The following HMCN1 variants were observed in gnomAD, a reference collection of about 807,000 sequenced individuals.
HMCN1 encodes the protein hemicentin-1.
Under a neutral mutation model 625.9 loss-of-function variants are expected in HMCN1, and 321 were observed. That is an observed-to-expected ratio of 0.51 (90% confidence interval 0.47 to 0.56). The LOEUF is 0.56. HMCN1 is among the 20% of genes least tolerant of loss of function. The pLI is 0.00. For synonymous variants in HMCN1, 2,425 were observed against 2,417.6 expected, an observed-to-expected ratio of 1.00 and a Z score of -0.09; for missense variants, 6,588 against 6,887.3, an observed-to-expected ratio of 0.96 and a Z score of 1.54.
In HMCN1 at chr1:186,093,502, G is replaced by C. The variant is rs772219414; in HGVS notation, c.10029G>C (p.Arg3343Ser). Residue 3343 changes from arginine (R) to serine (S), a missense_variant, in exon 66 of 107, where the codon AGG becomes AGC. This residue lies in a region of HMCN1 where 4,628 missense variants were observed against 4,853.1 expected (regional missense o/e 0.95). Transcript: ENST00000271588. Reference sequence around the variant, plus strand: ...ACAACATAGTTACACCTACAATTAGGGGTAATAAAGATGAAGCAGAGAAAC... The same window carrying C: ...ACAACATAGTTACACCTACAATTAGCGGTAATAAAGATGAAGCAGAGAAAC... ...NLNVYVTPTI[R>S]GNKDEAEKLM... The C allele has an allele frequency of 1.2e-6, 2 of 1,613,206 alleles. No homozygotes were observed. The highest frequency in any genetic ancestry group is 3.3e-5 in the Admixed American group (2 of 59,890).
intron 4 of HMCN1, among the ~76,000 whole-genome samples, chr1:185,884,439 C>A (rs555259284): frequency 6.6e-6 from 1 of 152,094 alleles, no homozygotes; most frequent in South Asian, 2.1e-4. Context: ...ACTGCTTCAG[C>A]TTCCCCTAAC....
chr1:186,006,326 T>TTGCAC (rs1156525809), intron 29 of HMCN1, among the ~76,000 whole-genome samples: 2 of 152,134 alleles, frequency 1.3e-5, no homozygotes, highest in Non-Finnish European at 2.9e-5. Flanking sequence ...TAATTATTCA[T>TTGCAC]TATGTGGCTA....
chr1:186,091,401 A>AT (rs1446251929), intron 64 of HMCN1, among the ~76,000 whole-genome samples: 1 of 152,042 alleles, frequency 6.6e-6, no homozygotes, highest in Non-Finnish European at 1.5e-5. Flanking sequence ...CAATAATGTC[A>AT]TAACTGTTAT....
intron 30 of HMCN1, among the ~76,000 whole-genome samples, chr1:186,013,860 T>A (rs912321001): frequency 2.0e-5 from 3 of 152,102 alleles, no homozygotes; most frequent in African/African-American, 7.2e-5. Context: ...AATAAGTGAT[T>A]GACTCAATAA....
At chr1:185,768,970 A>T (rs1472556823) in intron 1 of HMCN1, among the ~76,000 whole-genome samples, 1 of 152,212 alleles carries the variant, frequency 6.6e-6, no homozygotes. Context: ...ATAGCAGGTT[A>T]AAATCCTAAA....
intron 6 of HMCN1, among the ~76,000 whole-genome samples, chr1:185,916,562 T>A (rs1353863921): frequency 6.6e-6 from 1 of 152,168 alleles, no homozygotes; most frequent in Non-Finnish European, 1.5e-5. Context: ...ATACATTGTA[T>A]CTTTACTTTC....
intron 11 of HMCN1, among the ~76,000 whole-genome samples, chr1:185,950,696 T>C (rs1172473346): frequency 6.6e-6 from 1 of 151,758 alleles, no homozygotes; most frequent in Non-Finnish European, 1.5e-5. Context: ...TTTGCTGAGC[T>C]TGATGGGTGT....
intron 38 of HMCN1, among the ~76,000 whole-genome samples, chr1:186,039,244 C>T (rs1656042137): frequency 1.3e-5 from 2 of 152,276 alleles, no homozygotes; most frequent in South Asian, 4.1e-4. Context: ...GTCATTGATA[C>T]TGTTAGCTAA....
chr1:185,892,524 C>T (rs988152489), intron 4 of HMCN1, among the ~76,000 whole-genome samples: 1 of 151,892 alleles, frequency 6.6e-6, no homozygotes, highest in Admixed American at 6.5e-5. Flanking sequence ...AGTTTTCCTT[C>T]TAACAGACAG....
chr1:185,835,267 T>G (rs1668677216), intron 1 of HMCN1, among the ~76,000 whole-genome samples: 1 of 152,188 alleles, frequency 6.6e-6, no homozygotes, highest in African/African-American at 2.4e-5. Context: ...TGCTATCAGT[T>G]GGTATGGGTG....
intron 1 of HMCN1, among the ~76,000 whole-genome samples, chr1:185,777,419 A>G (rs1656691143): frequency 6.6e-6 from 1 of 151,962 alleles, no homozygotes; most frequent in African/African-American, 2.4e-5. Context: ...GGATCTCAGT[A>G]TGCACAACTG....
chr1:185,842,584 G>T (rs900787569), intron 1 of HMCN1, among the ~76,000 whole-genome samples: 1 of 151,630 alleles, frequency 6.6e-6, no homozygotes. Flanking sequence ...AAAAAAATTG[G>T]CTGGGCATGG....
At chr1:186,024,231 A>T (rs547936435) in intron 36 of HMCN1, among the ~76,000 whole-genome samples, 3 of 152,296 alleles carry the variant, frequency 2.0e-5, no homozygotes, top group African/African-American at 7.2e-5. Context: ...CAATTGGCTG[A>T]CAATGCTAGT....
chr1:186,171,979 C>T, intron 101 of HMCN1, 27 bp from the exon 102 acceptor site: 1 of 1,607,666 alleles, frequency 6.2e-7, no homozygotes, highest in Non-Finnish European at 8.5e-7. Flanking sequence ...TTTTCTTAAT[C>T]TACATTACCT....
intron 77 of HMCN1, among the ~76,000 whole-genome samples, 167 bp downstream of exon 77, chr1:186,117,790 G>A (rs1274344356): frequency 6.6e-6 from 1 of 152,024 alleles, no homozygotes; most frequent in East Asian, 1.9e-4. Flanking sequence ...CATAGAAAGG[G>A]GTTCTAGGGA....
At position 186,171,462 on chromosome 1, in the gene HMCN1, G is replaced by A. The variant is rs1223422782; in HGVS notation, c.15688+12G>A. 12 of 1,576,876 alleles carry A rather than the reference G, an allele frequency of 7.6e-6. No individual in the cohort carries two copies. Among genetic ancestry groups the A allele is most frequent in the Non-Finnish European group, 1.0e-5 (12 of 1,146,412 alleles). ...CAGAAAATGCATGGGTAAGAAAAGG[G>A]CTTTGAATTTAAAGGAATGACACCT... On this transcript the variant is annotated intron_variant, in intron 101 of 106. Transcript: ENST00000271588.
chr1:185,774,761 T>A (rs2102154961), intron 1 of HMCN1, among the ~76,000 whole-genome samples: 1 of 152,298 alleles, frequency 6.6e-6, no homozygotes, highest in South Asian at 2.1e-4. Context: ...CTGGTAGGAA[T>A]GTTGCTGAAA....
intron 8 of HMCN1, 41 bp downstream of exon 8, chr1:185,923,694 T>C: frequency 5.9e-6 from 9 of 1,519,564 alleles, no homozygotes; most frequent in Non-Finnish European, 8.1e-6. Flanking sequence ...ATTGACAGTT[T>C]AAGAGGGTGA....
At chr1:185,985,569 A>AATGATATGGTGTATTGT in intron 19 of HMCN1, among the ~76,000 whole-genome samples, 1 of 152,328 alleles carries the variant, frequency 6.6e-6, no homozygotes, top group South Asian at 2.1e-4. Context: ...TTGTGATGCA[A>AATGATATGGTGTATTGT]GAAGTTTTAA....
Sources: allele counts gnomAD v4.1 joint callset (sites outside exome capture counted in the v4.1 genomes callset), GRCh38; gene constraint gnomAD v4.1.1; regional missense constraint gnomAD v4.1.1; transcripts MANE v1.5; gene names NCBI Gene and HGNC (gene_info 2026-07-23, HGNC 2026-07-21).